KCTD16: variants seen among roughly 807,000 people sequenced by gnomAD.
KCTD16 encodes BTB/POZ domain-containing protein KCTD16.
A neutral mutation model predicts 33.2 loss-of-function variants in KCTD16; 13 were observed. The ratio of observed to expected loss-of-function variants is 0.39; its 90% CI spans 0.25 to 0.62. The LOEUF is 0.62. Ranked by LOEUF, KCTD16 falls within the 20% of genes least tolerant of loss-of-function variation. The pLI is 0.50. For missense variants in KCTD16, 441 were observed against 525.1 expected, an observed-to-expected ratio of 0.84 and a Z score of 1.57; for synonymous variants, 197 against 195.3, an observed-to-expected ratio of 1.01 and a Z score of -0.07.
intron 3 of KCTD16, among the ~76,000 whole-genome samples, chr5:144,326,726 A>G (rs1400329843): frequency 6.7e-6 from 1 of 149,518 alleles, no homozygotes; most frequent in Non-Finnish European, 1.5e-5. Context: ...AAAAAAAGAA[A>G]GAAAGAAAAA....
At chr5:144,347,604 G>A (rs244526) in intron 3 of KCTD16, among the ~76,000 whole-genome samples, 34,905 of 151,988 alleles carry the variant, frequency 0.23, 4,245 homozygotes, top group Non-Finnish European at 0.28. Context: ...TGGTTTCAGG[G>A]AGGGGTGTCA....
chr5:144,213,395 C>G (rs1753460324), intron 3 of KCTD16, among the ~76,000 whole-genome samples: 1 of 150,710 alleles, frequency 6.6e-6, no homozygotes, highest in Non-Finnish European at 1.5e-5. Context: ...TTCTTTCTTT[C>G]TCTCTCTTTC....
At chr5:144,235,305 GTGTGGCT>G (rs1561538478) in intron 3 of KCTD16, among the ~76,000 whole-genome samples, 1 of 152,030 alleles carries the variant, frequency 6.6e-6, no homozygotes, top group African/African-American at 2.4e-5. Context: ...CTCCCAAGGG[GTGTGGCT>G]TCCTTATCCA....
At position 144,207,489 on chromosome 5, in the gene KCTD16, A is replaced by C; in HGVS notation, c.775A>C (p.Ile259Leu). The C allele has an allele frequency of 1.2e-6, 2 of 1,614,210 alleles. No individual in the cohort carries two copies. Among genetic ancestry groups the C allele is most frequent in the Non-Finnish European group, 1.7e-6 (2 of 1,180,042 alleles). Residue 259 changes from isoleucine (I) to leucine (L), a missense_variant, in exon 3 of 4, where the codon ATC becomes CTC. Physicochemically the swap from Ile to Leu is conservative, Grantham distance 5 (BLOSUM62 2). Transcript: ENST00000512467. ...TAACTCATCGGTGACAGCATCTTTC[A>C]TCAACCAATATACAGATGACAAGAT... ...ACNSSVTASF[I>L]NQYTDDKIWS...
At chr5:144,228,022 A>C (rs918802979) in intron 3 of KCTD16, among the ~76,000 whole-genome samples, 1 of 152,208 alleles carries the variant, frequency 6.6e-6, no homozygotes, top group Non-Finnish European at 1.5e-5. Flanking sequence ...ATTCATGTGA[A>C]TAATAGGAGT....
At chr5:144,207,617 T>A in intron 3 of KCTD16, 71 bp downstream of exon 3, 1 of 1,083,394 alleles carries the variant, frequency 9.2e-7, no homozygotes, top group South Asian at 1.4e-5. Flanking sequence ...GGTCTGTGTG[T>A]TCTCTCCATA....
intron 3 of KCTD16, among the ~76,000 whole-genome samples, chr5:144,228,198 A>G (rs528109410): frequency 6.6e-6 from 1 of 152,308 alleles, no homozygotes; most frequent in African/African-American, 2.4e-5. Context: ...TAAGCACTCA[A>G]GTGTTAAGAC....
At chr5:144,315,262 G>T (rs539484302) in intron 3 of KCTD16, among the ~76,000 whole-genome samples, 83 of 152,244 alleles carry the variant, frequency 5.5e-4, no homozygotes, top group African/African-American at 1.8e-3. Flanking sequence ...GTCCCACTGT[G>T]ATCGATTATC....
intron 3 of KCTD16, among the ~76,000 whole-genome samples, chr5:144,372,756 G>T (rs370751646): frequency 2.5e-4 from 38 of 152,332 alleles, no homozygotes; most frequent in African/African-American, 8.4e-4. Flanking sequence ...GGCCTGGCCA[G>T]GGAGTAGTAA....
At chr5:144,351,338 A>G (rs57838822) in intron 3 of KCTD16, among the ~76,000 whole-genome samples, 2 of 152,206 alleles carry the variant, frequency 1.3e-5, no homozygotes, top group African/African-American at 4.8e-5. Context: ...GGAAATGCCA[A>G]TTAAAACCAC....
chr5:144,322,803 A>G (rs528681979), intron 3 of KCTD16, among the ~76,000 whole-genome samples: 2 of 152,158 alleles, frequency 1.3e-5, no homozygotes, highest in South Asian at 4.2e-4. Flanking sequence ...CTGTGCATGC[A>G]TTCTCTCAAG....
chr5:144,482,378 C>T lies in KCTD16; in HGVS notation c.*8264C>T, dbSNP rs1754720845. On this transcript the variant is annotated 3_prime_UTR_variant, in exon 4 of 4. Transcript: ENST00000512467. ...ACCCTAAGAAACTCACCGTGATAAG[C>T]TAGCTTCCACGTCTGGAGAAAATGA... 1.3e-5 allele frequency: 2 copies of T among 151,906 alleles called. No individual in the cohort carries two copies. The highest frequency in any genetic ancestry group is 1.5e-5 in the Non-Finnish European group (1 of 67,924). The allele number at this position is 151,906 out of a possible 1,614,324, so 9.4% of individuals were successfully genotyped here.
At chr5:144,441,475 C>T (rs537848636) in intron 3 of KCTD16, among the ~76,000 whole-genome samples, 41 of 152,106 alleles carry the variant, frequency 2.7e-4, no homozygotes, top group South Asian at 1.0e-3. Context: ...ATGTGCACAA[C>T]GATATCTTAA....
At chr5:144,308,653 C>T (rs1361355984) in intron 3 of KCTD16, among the ~76,000 whole-genome samples, 2 of 151,606 alleles carry the variant, frequency 1.3e-5, no homozygotes, top group Admixed American at 6.6e-5. Flanking sequence ...GTATTGATAT[C>T]TATATATCTG....
intron 3 of KCTD16, among the ~76,000 whole-genome samples, chr5:144,375,015 T>A (rs1752052812): frequency 6.6e-6 from 1 of 152,310 alleles, no homozygotes; most frequent in South Asian, 2.1e-4. Context: ...TATTGCAACA[T>A]CTCTTAGGTC....
intron 3 of KCTD16, among the ~76,000 whole-genome samples, chr5:144,470,829 C>A (rs1055749094): frequency 8.5e-5 from 13 of 152,186 alleles, no homozygotes; most frequent in Non-Finnish European, 1.3e-4. Context: ...GGGCTTCATG[C>A]AACTTTCCAC....
chr5:144,257,371 C>G (rs1169914334), intron 3 of KCTD16, among the ~76,000 whole-genome samples: 2 of 152,152 alleles, frequency 1.3e-5, no homozygotes, highest in African/African-American at 4.8e-5. Flanking sequence ...AGAGCTCTTA[C>G]AGCTACTGAA....
intron 3 of KCTD16, among the ~76,000 whole-genome samples, chr5:144,430,245 A>G (rs1753428800): frequency 6.6e-6 from 1 of 152,184 alleles, no homozygotes; most frequent in Non-Finnish European, 1.5e-5. Context: ...TATATTACAC[A>G]GACAAAATCC....
Position 144,173,411 on chromosome 5 carries a change from A to G in KCTD16, c.-492-896A>G, listed in dbSNP as rs547835312. Among the ~76,000 whole-genome samples, 8 of 152,338 alleles carry G rather than the reference A, an allele frequency of 5.3e-5. No individual in the cohort carries two copies. The South Asian group carries it at 1.2e-3, about 24-fold the overall frequency. Reference sequence around the variant, plus strand: ...AAACCAGATACCACATATTCTCCTTATAAGTATGAGCTAAATAATGAGAAC... The same window carrying G: ...AAACCAGATACCACATATTCTCCTTGTAAGTATGAGCTAAATAATGAGAAC... On this transcript the variant is annotated intron_variant, in intron 1 of 3. Coordinates refer to ENST00000512467, the MANE Select transcript of KCTD16 (RefSeq NM_020768.4).
Sources: gnomAD v4.1 joint callset for allele counts (sites outside exome capture counted in the v4.1 genomes callset) on GRCh38, gnomAD v4.1.1 for gene constraint, MANE v1.5 for transcripts, NCBI Gene and HGNC (gene_info 2026-07-23, HGNC 2026-07-21) for gene names.